CNBD1: variants seen among roughly 807,000 people sequenced by gnomAD.
The protein encoded by CNBD1 is cyclic nucleotide-binding domain-containing protein 1.
A neutral mutation model predicts 54.4 loss-of-function variants in CNBD1; 71 were observed. The ratio of observed to expected loss-of-function variants is 1.30; its 90% CI spans 1.08 to 1.59. CNBD1 has a LOEUF of 1.59. Among genes scored for constraint, CNBD1 ranks in the 40% most tolerant of loss-of-function variants. CNBD1 has a pLI of 0.00. For synonymous variants in CNBD1, 182 were observed against 170.7 expected (o/e 1.07, Z -0.51); for missense variants, 659 against 518.0 (o/e 1.27, Z -2.64).
intron 10 of CNBD1, among the ~76,000 whole-genome samples, chr8:87,366,453 C>G (rs1315869851): frequency 6.6e-6 from 1 of 152,076 alleles, no homozygotes; most frequent in African/African-American, 2.4e-5. Flanking sequence ...TGCTGACCCT[C>G]TCTCTCGTTT....
downstream of CNBD1, among the ~76,000 whole-genome samples, chr8:87,384,182 T>C (rs569429773): frequency 4.6e-5 from 7 of 152,236 alleles, no homozygotes; most frequent in African/African-American, 1.7e-4. Flanking sequence ...TGCACCATTA[T>C]CTAATGGACC....
chr8:87,255,122 A>G lies in CNBD1; in HGVS notation c.771+18010A>G, dbSNP rs535846144. 8.5e-4 allele frequency among the ~76,000 whole-genome samples: 129 copies of G among 152,236 alleles called. 1 individual carries two copies. The highest frequency in any genetic ancestry group is 3.1e-3 in the African/African-American group (127 of 41,546). On this transcript the variant is annotated intron_variant, in intron 6 of 10. Coordinates refer to ENST00000518476, the MANE Select transcript of CNBD1 (RefSeq NM_173538.3). ...AGTCTGTCTACATGCAAAATTACTTAATGCAAGGTTACTTAAGACCCTTTG... is the reference window on the plus strand; with the variant it reads ...AGTCTGTCTACATGCAAAATTACTTGATGCAAGGTTACTTAAGACCCTTTG...
At chr8:87,106,129 C>A in intron 4 of CNBD1, among the ~76,000 whole-genome samples, 1 of 151,826 alleles carries the variant, frequency 6.6e-6, no homozygotes, top group East Asian at 1.9e-4. Context: ...TTTTCTTTTT[C>A]TTTCTTTCCT....
chr8:87,238,470 T>A (rs1807625637), intron 6 of CNBD1, among the ~76,000 whole-genome samples: 1 of 152,136 alleles, frequency 6.6e-6, no homozygotes, highest in Non-Finnish European at 1.5e-5. Flanking sequence ...CTGTAACAGG[T>A]GACCATGATG....
chr8:87,323,863 G>A (rs1809599172), intron 8 of CNBD1, among the ~76,000 whole-genome samples: 3 of 132,826 alleles, frequency 2.3e-5, no homozygotes, highest in South Asian at 2.2e-4. Flanking sequence ...GTGAGAGAGG[G>A]CATCTCTGTC....
intron 1 of CNBD1, among the ~76,000 whole-genome samples, chr8:86,874,579 A>T (rs1183930750): frequency 6.6e-6 from 1 of 152,162 alleles, no homozygotes; most frequent in Admixed American, 6.5e-5. Context: ...TCCATTTCTC[A>T]TGAAATATTA....
At chr8:87,207,001 G>A (rs1813989676) in intron 5 of CNBD1, among the ~76,000 whole-genome samples, 1 of 152,042 alleles carries the variant, frequency 6.6e-6, no homozygotes, top group Non-Finnish European at 1.5e-5. Context: ...GAATTTTAAA[G>A]AATATGTGTC....
At chr8:87,356,852 G>C (rs982511888) in intron 10 of CNBD1, among the ~76,000 whole-genome samples, 1 of 152,114 alleles carries the variant, frequency 6.6e-6, no homozygotes, top group African/African-American at 2.4e-5. Context: ...CTTGAAGACA[G>C]CTCCTCCCAT....
rs926340159 is a variant in CNBD1, at chr8:87,265,013, C to A, written c.772-19665C>A. On this transcript the variant is annotated intron_variant, in intron 6 of 10. Coordinates refer to ENST00000518476, the MANE Select transcript of CNBD1 (RefSeq NM_173538.3). ...GAAGCTCTTTAGCTTAATTAGATCC[C>A]CTTTGTCAATTTTGGCTTTTGTTGC... 7.0e-4 allele frequency among the ~76,000 whole-genome samples: 107 copies of A among 152,042 alleles called. 5 individuals are homozygous for A. The highest frequency in any genetic ancestry group is 2.9e-5 in the Non-Finnish European group (2 of 68,032).
At chr8:87,377,909 A>T (rs978280975) in intron 10 of CNBD1, among the ~76,000 whole-genome samples, 7 of 150,746 alleles carry the variant, frequency 4.6e-5, no homozygotes, top group Non-Finnish European at 1.0e-4. Context: ...GCCAGTGATG[A>T]TGAGCATTTT....
intron 3 of CNBD1, among the ~76,000 whole-genome samples, chr8:86,937,310 G>C (rs751017546): frequency 2.6e-5 from 4 of 152,156 alleles, no homozygotes; most frequent in African/African-American, 9.7e-5. Flanking sequence ...CCCACAACAC[G>C]TGGGAATTAA....
intron 2 of CNBD1, among the ~76,000 whole-genome samples, chr8:86,893,518 A>G (rs1045993337): frequency 2.6e-5 from 4 of 152,188 alleles, no homozygotes; most frequent in Non-Finnish European, 4.4e-5. Flanking sequence ...AGGAGTTGCT[A>G]TAGATAATCG....
chr8:87,424,650 A>G (rs1409418871), intron 2 of CNBD1, among the ~76,000 whole-genome samples: 2 of 151,348 alleles, frequency 1.3e-5, no homozygotes, highest in Non-Finnish European at 3.0e-5. Context: ...GACCCTACAG[A>G]AGCTCTCTTC....
intron 2 of CNBD1, among the ~76,000 whole-genome samples, chr8:87,422,517 T>C (rs1807958747): frequency 6.6e-6 from 1 of 151,892 alleles, no homozygotes; most frequent in South Asian, 2.1e-4. Flanking sequence ...CCAGCACCAT[T>C]TATTAAATAG....
chr8:87,110,164 G>A (rs1158471851), intron 4 of CNBD1, among the ~76,000 whole-genome samples: 10 of 152,118 alleles, frequency 6.6e-5, no homozygotes, highest in Non-Finnish European at 1.3e-4. Context: ...CCTGAGTGAG[G>A]CTATGATGCA....
rs1206165201 is a variant in CNBD1, at chr8:87,378,028, A to T, written c.1304-4592A>T. 2.5e-4 allele frequency among the ~76,000 whole-genome samples: 34 copies of T among 135,732 alleles called. 1 individual carries two copies. The highest frequency in any genetic ancestry group is 1.6e-5 in the Non-Finnish European group (1 of 63,158). 89.0% of individuals were successfully genotyped at this position (135,732 alleles called of 152,430 possible). A position where few individuals can be genotyped will look rare whatever the true frequency, so the allele number is the denominator to read the frequency against. ...TGTTTTTTTCTTGTAAATTTGTTTG[A>T]GTTCATTGTAGATTCTGGATATTAG... On this transcript the variant is annotated intron_variant, in intron 10 of 10. Coordinates refer to ENST00000518476, the MANE Select transcript of CNBD1 (RefSeq NM_173538.3).
intron 4 of CNBD1, among the ~76,000 whole-genome samples, chr8:87,137,879 G>A (rs1014687973): frequency 6.6e-6 from 1 of 152,112 alleles, no homozygotes; most frequent in Non-Finnish European, 1.5e-5. Context: ...TGTCTTCCAT[G>A]AGGTAGTGGA....
At chr8:87,378,034 T>C (rs1453168955) in intron 10 of CNBD1, among the ~76,000 whole-genome samples, 1 of 138,822 alleles carries the variant, frequency 7.2e-6, no homozygotes, top group Non-Finnish European at 1.6e-5. Context: ...TTTGAGTTCA[T>C]TGTAGATTCT....
At chr8:86,900,014 C>G (rs906953841) in intron 2 of CNBD1, among the ~76,000 whole-genome samples, 23 of 152,096 alleles carry the variant, frequency 1.5e-4, no homozygotes, top group Non-Finnish European at 3.4e-4. Flanking sequence ...ACTTTCCCCC[C>G]TCTTTTCTTG....
Sources: allele counts gnomAD v4.1 joint callset (sites outside exome capture counted in the v4.1 genomes callset), GRCh38; gene constraint gnomAD v4.1.1; transcripts MANE v1.5; gene names NCBI Gene and HGNC (gene_info 2026-07-23, HGNC 2026-07-21).